The following FAM217A variants were observed in gnomAD, a reference collection of about 807,000 sequenced individuals.
FAM217A encodes the protein protein FAM217A.
Under a neutral mutation model 18.5 loss-of-function variants are expected in FAM217A, and 13 were observed. That is an observed-to-expected ratio of 0.70 (90% CI 0.46 to 1.12). The LOEUF (loss-of-function observed/expected upper bound fraction) is 1.12. Ranked by LOEUF, FAM217A falls within the 50% of genes most tolerant of loss-of-function variation. The pLI, the probability that FAM217A is intolerant of heterozygous loss-of-function variation, is 0.00. For synonymous variants in FAM217A, 161 were observed against 202.8 expected, an observed-to-expected ratio of 0.79 and a Z score of 1.75; for missense variants, 560 against 575.4, an observed-to-expected ratio of 0.97 and a Z score of 0.27.
chr6:4,083,718 A>AT (rs1364614900), upstream of FAM217A, among the ~76,000 whole-genome samples: 1 of 151,640 alleles, frequency 6.6e-6, no homozygotes, highest in Non-Finnish European at 1.5e-5. Flanking sequence ...CGCCTGGCTA[A>AT]TTTTTTTGTA....
At chr6:4,083,900 G>A (rs556054032), upstream of FAM217A, among the ~76,000 whole-genome samples, 16 of 152,218 alleles carry the variant, frequency 1.1e-4, no homozygotes, top group South Asian at 4.1e-4. Context: ...TTTTCTGAAA[G>A]TTAGGACACT....
Position 4,069,156 on chromosome 6 carries a change from T to G in FAM217A, c.1067A>C (p.Asn356Thr). 3 of 1,613,914 alleles carry G rather than the reference T, an allele frequency of 1.9e-6. No individual in the cohort carries two copies. Among genetic ancestry groups the G allele is most frequent in the Non-Finnish European group, 1.7e-6 (2 of 1,179,992 alleles). ...TTGTTCAAGCTTACAAGAACCAGAGTTGTTTTTACTTTTTTCTTGACTTTT... is the reference window on the plus strand; with the variant it reads ...TTGTTCAAGCTTACAAGAACCAGAGGTGTTTTTACTTTTTTCTTGACTTTT... ...VDKSQEKSKN[N>T]SGSCKLEQNA... Residue 356 changes from asparagine to threonine, a missense_variant, in exon 7 of 7, where the codon AAC (asparagine) becomes ACC (threonine). Transcript: ENST00000274673.
chr6:4,072,313 A>C (rs1408570607), intron 6 of FAM217A, among the ~76,000 whole-genome samples: 2 of 151,956 alleles, frequency 1.3e-5, no homozygotes, highest in Non-Finnish European at 2.9e-5. Context: ...GCACTCCAGC[A>C]TGGGCAACAA....
chr6:4,082,411 TCTCC>T (rs1770362062), upstream of FAM217A, among the ~76,000 whole-genome samples: 1 of 152,188 alleles, frequency 6.6e-6, no homozygotes, highest in Admixed American at 6.5e-5. Flanking sequence ...TCAGTCCCAG[TCTCC>T]CTCCGAGGCT....
intron 1 of FAM217A, 35 bp downstream of exon 1, chr6:4,078,817 T>C: frequency 2.3e-6 from 1 of 443,764 alleles, no homozygotes; most frequent in Non-Finnish European, 4.0e-6. Context: ...AGGAGGGGGC[T>C]GCGGGATTCC....
At chr6:4,077,724 A>C (rs1769929405) in intron 1 of FAM217A, among the ~76,000 whole-genome samples, 1 of 152,220 alleles carries the variant, frequency 6.6e-6, no homozygotes, top group Non-Finnish European at 1.5e-5. Context: ...ATATCAGCTA[A>C]GAAGATGAAA....
chr6:4,084,808 C>G, exon 2 of FAM217A: 1 of 702,840 alleles, frequency 1.4e-6, no homozygotes, highest in Non-Finnish European at 2.6e-6. Flanking sequence ...ACACAGCAAC[C>G]CTCTTAGGAA....
At chr6:4,082,988 C>T (rs1561931915), upstream of FAM217A, among the ~76,000 whole-genome samples, 1 of 152,228 alleles carries the variant, frequency 6.6e-6, no homozygotes, top group Non-Finnish European at 1.5e-5. Context: ...GCCCCTACAC[C>T]TCCAGCCATC....
chr6:4,080,974 A>G (rs1770258321), upstream of FAM217A, among the ~76,000 whole-genome samples: 1 of 151,898 alleles, frequency 6.6e-6, no homozygotes, highest in South Asian at 2.1e-4. Context: ...GCTTCGTTAT[A>G]ATGATTTAAT....
At chr6:4,073,893 C>T (rs1769588184) in intron 4 of FAM217A, among the ~76,000 whole-genome samples, 1 of 152,158 alleles carries the variant, frequency 6.6e-6, no homozygotes, top group African/African-American at 2.4e-5. Context: ...GTTGCCCAGG[C>T]TGGAGTACGG....
Position 4,078,023 on chromosome 6 carries a change from A to C in FAM217A, c.-34-575T>G, listed in dbSNP as rs540927829. The stretch of plus-strand genomic sequence containing the variant: ...TAACAAGCAAAACAGTCACTGGATT[A>C]AGGTATGGCTATCTGGAAAGAATCA... On this transcript the variant is annotated intron_variant, in intron 1 of 6. Coordinates refer to ENST00000274673, the MANE Select transcript of FAM217A (RefSeq NM_173563.3). 2.0e-5 allele frequency among the ~76,000 whole-genome samples: 3 copies of C among 151,738 alleles called. No homozygotes were observed. In the East Asian group the frequency reaches 5.8e-4, roughly 29 times the overall value.
chr6:4,080,546 C>T (rs1386614256), upstream of FAM217A, among the ~76,000 whole-genome samples: 3 of 149,004 alleles, frequency 2.0e-5, no homozygotes, highest in Non-Finnish European at 4.4e-5. Flanking sequence ...TTCCTTGCAG[C>T]CTCCTTGGAG....
intron 6 of FAM217A, among the ~76,000 whole-genome samples, chr6:4,072,218 G>A (rs1769468788): frequency 6.6e-6 from 1 of 152,062 alleles, no homozygotes; most frequent in Non-Finnish European, 1.5e-5. Flanking sequence ...GCGGGCACCT[G>A]TAATCCTAGC....
At chr6:4,075,982 C>T (rs1769763732) in intron 2 of FAM217A, among the ~76,000 whole-genome samples, 1 of 152,156 alleles carries the variant, frequency 6.6e-6, no homozygotes, top group East Asian at 1.9e-4. Context: ...ACCTGGGGAG[C>T]TTTTTAAAAA....
At chr6:4,079,373 C>T (rs1487013770), upstream of FAM217A, 1 of 281,244 alleles carries the variant, frequency 3.6e-6, no homozygotes. Context: ...GCTGCGCAGC[C>T]CACTCGGCCA....
chr6:4,075,472 G>A (rs1004093804), intron 2 of FAM217A, among the ~76,000 whole-genome samples: 2 of 152,180 alleles, frequency 1.3e-5, no homozygotes, highest in Non-Finnish European at 2.9e-5. Context: ...CAGATGTGGA[G>A]GAACACTTAG....
At chr6:4,078,631 C>A (rs1201682345) in intron 1 of FAM217A, among the ~76,000 whole-genome samples, 1 of 152,178 alleles carries the variant, frequency 6.6e-6, no homozygotes, top group Admixed American at 6.5e-5. Context: ...ACCTGAAGGA[C>A]GGCCCTGGGG....
chr6:4,080,160 T>A (rs1171692696), upstream of FAM217A, among the ~76,000 whole-genome samples: 6 of 152,202 alleles, frequency 3.9e-5, no homozygotes, highest in Non-Finnish European at 8.8e-5. Context: ...TACCACATGT[T>A]GAAAACAATG....
upstream of FAM217A, among the ~76,000 whole-genome samples, chr6:4,083,763 A>G (rs1253366330): frequency 6.6e-6 from 1 of 152,168 alleles, no homozygotes; most frequent in African/African-American, 2.4e-5. Flanking sequence ...CATATTGGTC[A>G]GGCTGGTCTC....
Sources: allele counts gnomAD v4.1 joint callset (sites outside exome capture counted in the v4.1 genomes callset), GRCh38; gene constraint gnomAD v4.1.1; transcripts MANE v1.5; gene names NCBI Gene and HGNC (gene_info 2026-07-23, HGNC 2026-07-21).